PACSIN2: variants seen among roughly 807,000 people sequenced by gnomAD.
The protein encoded by PACSIN2 is protein kinase C and casein kinase substrate in neurons 2.
PACSIN2 carries 25 observed loss-of-function variants against 63.8 expected under a neutral mutation model. That is an observed-to-expected ratio of 0.39 (90% CI 0.29 to 0.55). The LOEUF is 0.55. PACSIN2 is among the 20% of genes least tolerant of loss of function. The pLI is 0.62. For missense variants in PACSIN2, 518 were observed against 646.9 expected, an observed-to-expected ratio of 0.80 and a Z score of 2.16; for synonymous variants, 255 against 256.2, an observed-to-expected ratio of 1.00 and a Z score of 0.05.
At chr22:42,937,580 C>T (rs1226181854) in intron 1 of PACSIN2, among the ~76,000 whole-genome samples, 4 of 152,198 alleles carry the variant, frequency 2.6e-5, no homozygotes, top group African/African-American at 9.6e-5. Flanking sequence ...AATCTCCACA[C>T]GGCCTCATTC....
chr22:42,884,757 T>C (rs541575140), intron 5 of PACSIN2, among the ~76,000 whole-genome samples, 196 bp from the exon 6 acceptor site: 1 of 152,370 alleles, frequency 6.6e-6, no homozygotes, highest in East Asian at 1.9e-4. Context: ...CCATCTGCCC[T>C]GTCTCTCAGC....
intron 6 of PACSIN2, among the ~76,000 whole-genome samples, chr22:42,882,593 C>A (rs141700457): frequency 6.6e-6 from 1 of 152,312 alleles, no homozygotes; most frequent in Non-Finnish European, 1.5e-5. Context: ...GCTGTGTGGG[C>A]CACCACTCTG....
At chr22:42,928,343 C>T (rs1569284937) in intron 1 of PACSIN2, among the ~76,000 whole-genome samples, 1 of 152,180 alleles carries the variant, frequency 6.6e-6, no homozygotes, top group Non-Finnish European at 1.5e-5. Context: ...ACACATGCAT[C>T]AGAAATGGAC....
At chr22:42,996,864 C>T (rs1006045479) in intron 1 of PACSIN2, among the ~76,000 whole-genome samples, 1 of 152,192 alleles carries the variant, frequency 6.6e-6, no homozygotes, top group Non-Finnish European at 1.5e-5. Flanking sequence ...GAGGCCTAGG[C>T]CCAGCTTTCT....
chr22:42,880,524 A>G (rs1454786586), intron 7 of PACSIN2: 1 of 152,222 alleles, frequency 6.6e-6, no homozygotes, highest in African/African-American at 2.4e-5. Flanking sequence ...AACTGCTAGG[A>G]GCCTAGCGGG....
At chr22:43,012,195 AT>A (rs1924543302) in intron 1 of PACSIN2, among the ~76,000 whole-genome samples, 1 of 135,730 alleles carries the variant, frequency 7.4e-6, no homozygotes, top group Non-Finnish European at 1.6e-5. Context: ...ACATACATAC[AT>A]ACATACAAAC....
rs1201272967 is a variant in PACSIN2 at position 42,944,160 on chromosome 22, T to C, written c.-77-32003A>G. Among the ~76,000 whole-genome samples, 4 of 152,172 alleles carry C rather than the reference T, an allele frequency of 2.6e-5. No homozygotes were observed. The East Asian group carries it at 7.7e-4, about 29-fold the overall frequency. ...CACTGAGCAGGCCTCGAGTGGCAGC[T>C]CTCAGAGAGTGCTGTCTCCTTAATC... On this transcript the variant is annotated intron_variant, in intron 1 of 10. Transcript: ENST00000263246.
In PACSIN2 at chr22:42,870,761, T is replaced by C. The variant is rs1226838787; in HGVS notation, c.*596A>G. 1.3e-5 allele frequency: 2 copies of C among 152,406 alleles called. No homozygotes were observed. The highest frequency in any genetic ancestry group is 1.9e-4 in the East Asian group (1 of 5,204). 9.4% of individuals were successfully genotyped at this position (152,406 alleles called of 1,614,324 possible). On this transcript the variant is annotated 3_prime_UTR_variant, in exon 11 of 11. Transcript: ENST00000263246. ...ACCCGGTCCCACCTTCCTGGCATAA[T>C]TCCTTTCCTCAAACATCTGCCACCT... is the stretch of plus-strand genomic sequence containing the variant.
chr22:42,948,751 C>G (rs773715225), intron 1 of PACSIN2, among the ~76,000 whole-genome samples: 2 of 152,218 alleles, frequency 1.3e-5, no homozygotes, highest in Non-Finnish European at 2.9e-5. Context: ...AGAAAATATT[C>G]TATTTCATTC....
At chr22:42,886,578 G>A (rs1055049851) in intron 5 of PACSIN2, among the ~76,000 whole-genome samples, 6 of 152,084 alleles carry the variant, frequency 3.9e-5, no homozygotes, top group East Asian at 1.9e-4. Context: ...CAATCCTCCC[G>A]CCTCAGCCTC....
At chr22:42,934,890 CTTTCT>C (rs1001650358) in intron 1 of PACSIN2, among the ~76,000 whole-genome samples, 1 of 95,074 alleles carries the variant, frequency 1.1e-5, no homozygotes, top group Non-Finnish European at 2.1e-5. Context: ...TTTCTTTTCT[CTTTCT>C]TTTCTTTTCT....
chr22:42,927,145 A>G (rs1379444819), intron 1 of PACSIN2, among the ~76,000 whole-genome samples: 1 of 152,106 alleles, frequency 6.6e-6, no homozygotes, highest in Non-Finnish European at 1.5e-5. Context: ...CCCATCATCT[A>G]TGGACTGACT....
intron 4 of PACSIN2, among the ~76,000 whole-genome samples, chr22:42,889,996 C>CT (rs959226234): frequency 7.1e-6 from 1 of 140,322 alleles, no homozygotes; most frequent in African/African-American, 2.7e-5. Flanking sequence ...GCAGAGCAGC[C>CT]AAAGGGACTT....
chr22:43,010,398 A>ATATATATATATTTTTTTTT, intron 1 of PACSIN2, among the ~76,000 whole-genome samples: 81 of 126,400 alleles, frequency 6.4e-4, no homozygotes, highest in Admixed American at 1.9e-3. Flanking sequence ...ATATATATAT[A>ATATATATATATTTTTTTTT]TTTTTTTTTA....
intron 1 of PACSIN2, among the ~76,000 whole-genome samples, chr22:42,996,508 G>C (rs1923410210): frequency 6.7e-6 from 1 of 148,872 alleles, no homozygotes; most frequent in East Asian, 2.0e-4. Context: ...CTCCAGCCTG[G>C]GTGACAGAGC....
chr22:42,975,580 T>C (rs961474507), intron 1 of PACSIN2, among the ~76,000 whole-genome samples: 101 of 149,944 alleles, frequency 6.7e-4, no homozygotes, highest in African/African-American at 2.4e-3. Flanking sequence ...AAATAGAATA[T>C]ATTATTTACA....
intron 1 of PACSIN2, among the ~76,000 whole-genome samples, chr22:42,973,459 CTCCTT>C (rs1296441418): frequency 1.3e-5 from 2 of 152,228 alleles, no homozygotes; most frequent in Non-Finnish European, 2.9e-5. Flanking sequence ...CTGAAGCTTC[CTCCTT>C]TAACTTCTCA....
chr22:43,014,836 C>T (rs1473039720), intron 1 of PACSIN2, among the ~76,000 whole-genome samples, 185 bp downstream of exon 1: 1 of 151,396 alleles, frequency 6.6e-6, no homozygotes, highest in Non-Finnish European at 1.5e-5. Context: ...CCCCCGGGGC[C>T]CCGAGCACTC....
intron 1 of PACSIN2, among the ~76,000 whole-genome samples, chr22:42,948,276 A>G (rs1933522858): frequency 6.6e-6 from 1 of 152,204 alleles, no homozygotes; most frequent in Admixed American, 6.5e-5. Context: ...TCAAGTCACT[A>G]GTTACTCCAC....
Sources: allele counts gnomAD v4.1 joint callset (sites outside exome capture counted in the v4.1 genomes callset), GRCh38; gene constraint gnomAD v4.1.1; transcripts MANE v1.5; gene names NCBI Gene and HGNC (gene_info 2026-07-23, HGNC 2026-07-21).